Variants in WDR26 observed in about 807,000 individuals in gnomAD.
WDR26 encodes the protein WD repeat-containing protein 26.
WDR26 carries 5 observed loss-of-function variants against 84.1 expected under a neutral mutation model. The ratio of observed to expected loss-of-function variants is 0.06; its 90% CI spans 0.03 to 0.13. The LOEUF is 0.13. Among genes scored for constraint, WDR26 ranks in the 10% least tolerant of loss-of-function variants. The pLI is 1.00. For missense variants in WDR26, 642 were observed against 974.9 expected (o/e 0.66, Z 4.55); for synonymous variants, 415 against 389.6 (o/e 1.07, Z -0.77).
chr1:224,405,189 G>T (rs1673519291), intron 7 of WDR26, among the ~76,000 whole-genome samples: 1 of 152,118 alleles, frequency 6.6e-6, no homozygotes, highest in Non-Finnish European at 1.5e-5. Flanking sequence ...ACATGATGTG[G>T]TCTCTTTTAA....
At chr1:224,396,768 G>A (rs1673274604) in intron 12 of WDR26, among the ~76,000 whole-genome samples, 1 of 152,164 alleles carries the variant, frequency 6.6e-6, no homozygotes, top group Non-Finnish European at 1.5e-5. Context: ...AGACCAGCCT[G>A]GGTAACGCGG....
At chr1:224,423,262 C>T (rs1674116602) in intron 4 of WDR26, among the ~76,000 whole-genome samples, 2 of 152,290 alleles carry the variant, frequency 1.3e-5, no homozygotes, top group South Asian at 4.1e-4. Context: ...TTGGCTAGAA[C>T]CTCCAATACA....
intron 12 of WDR26, among the ~76,000 whole-genome samples, chr1:224,396,120 C>T (rs1025570975): frequency 3.3e-5 from 5 of 152,182 alleles, no homozygotes; most frequent in African/African-American, 1.2e-4. Context: ...CAAAACCATT[C>T]TAAATCACTT....
intron 1 of WDR26, 60 bp downstream of exon 1, chr1:224,433,624 C>T (rs1237182466): frequency 1.6e-6 from 2 of 1,224,452 alleles, no homozygotes; most frequent in Non-Finnish European, 1.0e-6. Context: ...CTTCCCCTAC[C>T]CCCCTGGAGC....
chr1:224,405,958 AC>A (rs758072385), intron 7 of WDR26, among the ~76,000 whole-genome samples: 9 of 152,232 alleles, frequency 5.9e-5, no homozygotes, highest in Non-Finnish European at 1.0e-4. Flanking sequence ...GGATAAGGCA[AC>A]CATAAAGGGA....
intron 6 of WDR26, 24 bp from the exon 7 acceptor site, chr1:224,411,589 T>G: frequency 6.4e-7 from 1 of 1,564,440 alleles, no homozygotes; most frequent in Non-Finnish European, 8.6e-7. Flanking sequence ...GTCCACAAAT[T>G]ATTCTTTCAA....
At chr1:224,408,482 A>G (rs776683754) in intron 7 of WDR26, among the ~76,000 whole-genome samples, 6 of 152,238 alleles carry the variant, frequency 3.9e-5, no homozygotes, top group Non-Finnish European at 7.3e-5. Context: ...AATAAAGCAC[A>G]GTTTTGGTAT....
intron 7 of WDR26, among the ~76,000 whole-genome samples, chr1:224,407,154 ATATATATATATATATAT>A (rs1558426179): frequency 1.1e-5 from 1 of 91,830 alleles, no homozygotes; most frequent in East Asian, 3.4e-4. Context: ...AAAAAAAAAT[ATATATATATATATATAT>A]AACTCAAAAA....
intron 8 of WDR26, among the ~76,000 whole-genome samples, chr1:224,401,690 G>GAAAAAAAAAAAAAAAAAAAA (rs67543360): frequency 1.2e-5 from 1 of 84,048 alleles, no homozygotes; most frequent in African/African-American, 4.4e-5. Context: ...AAAAAAAAAA[G>GAAAAAAAAAAAAAAAAAAAA]AAAAAAAAAA....
At chr1:224,433,658 A>T in intron 1 of WDR26, 26 bp downstream of exon 1, 1 of 1,429,120 alleles carries the variant, frequency 7.0e-7, no homozygotes, top group Non-Finnish European at 9.2e-7. Context: ...TCTGTCCATC[A>T]CCAGCTGGCG....
At chr1:224,412,357 T>G (rs1673763502) in intron 6 of WDR26, among the ~76,000 whole-genome samples, 1 of 152,202 alleles carries the variant, frequency 6.6e-6, no homozygotes, top group Non-Finnish European at 1.5e-5. Context: ...CTCAGTCACT[T>G]AGCTATGATT....
chr1:224,426,278 G>A (rs1436292043), intron 3 of WDR26, among the ~76,000 whole-genome samples: 1 of 152,150 alleles, frequency 6.6e-6, no homozygotes, highest in Non-Finnish European at 1.5e-5. Context: ...TTTCTATCAA[G>A]GAGTATTTAG....
intron 7 of WDR26, among the ~76,000 whole-genome samples, chr1:224,409,724 G>T (rs1377440949): frequency 1.3e-5 from 2 of 151,870 alleles, no homozygotes; most frequent in African/African-American, 2.4e-5. Context: ...TTAGCTGGGC[G>T]TCGTGGTGCC....
At chr1:224,433,451 G>A (rs1674466243) in intron 1 of WDR26, among the ~76,000 whole-genome samples, 1 of 151,932 alleles carries the variant, frequency 6.6e-6, no homozygotes, top group African/African-American at 2.4e-5. Flanking sequence ...CGCCTGTCTC[G>A]TCTCACAATT....
rs777688259 is a variant in WDR26 at position 224,431,464 on chromosome 1, A to C, written c.927+13T>G. 1 of 1,610,968 alleles carries C rather than the reference A, an allele frequency of 6.2e-7. No individual in the cohort carries two copies. The highest frequency in any genetic ancestry group is 2.2e-5 in the East Asian group (1 of 44,858). On this transcript the variant is annotated intron_variant, in intron 3 of 13. Coordinates refer to ENST00000414423, the MANE Select transcript of WDR26 (RefSeq NM_001379403.1). ...AAGCATAAATGTGAAACTAAGAACAAAAGTGTATTTACCACAATTATTCCC... is the reference window on the plus strand; with the variant it reads ...AAGCATAAATGTGAAACTAAGAACACAAGTGTATTTACCACAATTATTCCC...
intron 7 of WDR26, among the ~76,000 whole-genome samples, chr1:224,406,032 G>C (rs890982539): frequency 1.3e-5 from 2 of 152,106 alleles, no homozygotes; most frequent in East Asian, 1.9e-4. Context: ...AGGCCCTAAC[G>C]TAAGATGTTA....
chr1:224,433,623 C>CA, intron 1 of WDR26, 61 bp downstream of exon 1: 1 of 1,015,940 alleles, frequency 9.8e-7, no homozygotes, highest in Non-Finnish European at 1.3e-6. Flanking sequence ...CCTTCCCCTA[C>CA]CCCCCTGGAG....
At chr1:224,396,988 C>T (rs746023157) in intron 12 of WDR26, among the ~76,000 whole-genome samples, 2 of 152,166 alleles carry the variant, frequency 1.3e-5, no homozygotes, top group African/African-American at 2.4e-5. Flanking sequence ...TGTCCCAATC[C>T]TTAAATATGC....
intron 6 of WDR26, among the ~76,000 whole-genome samples, chr1:224,413,805 T>C (rs891025955): frequency 6.6e-6 from 1 of 152,086 alleles, no homozygotes; most frequent in Non-Finnish European, 1.5e-5. Context: ...CCTCCTCTAA[T>C]GTTTATCTTT....
Sources: allele counts gnomAD v4.1 joint callset (sites outside exome capture counted in the v4.1 genomes callset), GRCh38; gene constraint gnomAD v4.1.1; transcripts MANE v1.5; gene names NCBI Gene and HGNC (gene_info 2026-07-23, HGNC 2026-07-21).